SAMMSON: variants seen among roughly 807,000 people sequenced by gnomAD.
SAMMSON encodes the protein survival associated mitochondrial melanoma specific oncogenic non-coding RNA.
At chr3:70,202,696 C>T (rs940111491) in intron 4 of SAMMSON, among the ~76,000 whole-genome samples, 1 of 152,080 alleles carries the variant, frequency 6.6e-6, no homozygotes, top group Non-Finnish European at 1.5e-5. Context: ...ATGACAAAAA[C>T]CCCTTTGGGC....
At chr3:70,229,345 A>T (rs566178986) in intron 4 of SAMMSON, among the ~76,000 whole-genome samples, 10 of 152,288 alleles carry the variant, frequency 6.6e-5, no homozygotes, top group African/African-American at 2.2e-4. Flanking sequence ...CCTTATTTGC[A>T]TATGCTGGTA....
At chr3:70,217,488 A>T (rs1701426458) in intron 4 of SAMMSON, among the ~76,000 whole-genome samples, 1 of 152,130 alleles carries the variant, frequency 6.6e-6, no homozygotes, top group African/African-American at 2.4e-5. Flanking sequence ...GATTGGGAGA[A>T]GTTTGTCTAT....
At chr3:70,062,659 C>T (rs1298728743) in intron 3 of SAMMSON, among the ~76,000 whole-genome samples, 1 of 152,120 alleles carries the variant, frequency 6.6e-6, no homozygotes, top group Non-Finnish European at 1.5e-5. Flanking sequence ...TATCCTCCCT[C>T]TAATGTCTCC....
chr3:70,061,670 C>A (rs1492056), intron 3 of SAMMSON, among the ~76,000 whole-genome samples: 75,488 of 151,862 alleles, frequency 0.5, 19,673 homozygotes, highest in East Asian at 0.73. Flanking sequence ...CTAAAATTTG[C>A]GTTTGCAACG....
chr3:70,336,626 G>C (rs746130407), intron 7 of SAMMSON, among the ~76,000 whole-genome samples: 36 of 151,898 alleles, frequency 2.4e-4, no homozygotes, highest in Non-Finnish European at 2.7e-4. Flanking sequence ...CTCTTCATTA[G>C]TCTTGTAAAA....
intron 4 of SAMMSON, among the ~76,000 whole-genome samples, chr3:70,244,122 T>C (rs1701683773): frequency 6.6e-6 from 1 of 152,222 alleles, no homozygotes; most frequent in Non-Finnish European, 1.5e-5. Flanking sequence ...TGGTTTTCTT[T>C]GGCTCAAATG....
At chr3:70,421,573 G>A (rs1701313469) in intron 2 of SAMMSON, among the ~76,000 whole-genome samples, 1 of 152,030 alleles carries the variant, frequency 6.6e-6, no homozygotes, top group Admixed American at 6.5e-5. Flanking sequence ...CAGAAAATCA[G>A]AATTTAAATA....
At chr3:70,384,703 TTC>T (rs998135101) in intron 9 of SAMMSON, among the ~76,000 whole-genome samples, 14 of 152,102 alleles carry the variant, frequency 9.2e-5, no homozygotes, top group Non-Finnish European at 1.6e-4. Flanking sequence ...AAGTTCACCT[TTC>T]TCTGTCAGAA....
intron 2 of SAMMSON, among the ~76,000 whole-genome samples, chr3:70,432,254 A>T (rs1179924754): frequency 7.9e-5 from 12 of 151,422 alleles, no homozygotes; most frequent in African/African-American, 2.9e-4. Context: ...CTCATTGTGG[A>T]TTTTTTTCAT....
At chr3:70,095,033 TTG>T (rs1309379276) in intron 4 of SAMMSON, among the ~76,000 whole-genome samples, 10 of 152,166 alleles carry the variant, frequency 6.6e-5, no homozygotes, top group Admixed American at 1.3e-4. Flanking sequence ...AGGTGAAACT[TTG>T]TCTAAAAATT....
At chr3:70,338,546 A>T (rs1247982303) in intron 7 of SAMMSON, among the ~76,000 whole-genome samples, 4 of 152,180 alleles carry the variant, frequency 2.6e-5, no homozygotes, top group African/African-American at 9.7e-5. Flanking sequence ...AAGCAACTCC[A>T]GCAAAGTCTC....
At chr3:70,049,587 C>G (rs1254005552) in intron 3 of SAMMSON, among the ~76,000 whole-genome samples, 1 of 152,010 alleles carries the variant, frequency 6.6e-6, no homozygotes, top group Non-Finnish European at 1.5e-5. Flanking sequence ...GGTACCATGT[C>G]TGGTGTGTGG....
intron 6 of SAMMSON, among the ~76,000 whole-genome samples, chr3:70,252,051 G>A (rs1195396354): frequency 6.6e-6 from 1 of 152,182 alleles, no homozygotes; most frequent in African/African-American, 2.4e-5. Flanking sequence ...GGCAAAAGGA[G>A]TTTCTCCTGT....
chr3:70,126,131 G>A (rs2067457540), intron 4 of SAMMSON: 1 of 1,268,800 alleles, frequency 7.9e-7, no homozygotes, highest in Non-Finnish European at 1.1e-6. Flanking sequence ...CTGGAAGGTG[G>A]TGGGTACATA....
At chr3:70,205,287 C>T (rs1239424025) in intron 4 of SAMMSON, 1 of 152,048 alleles carries the variant, frequency 6.6e-6, no homozygotes, top group Non-Finnish European at 1.5e-5. Context: ...TTTAGATGAG[C>T]CATGTGCTCT....
chr3:70,241,327 T>G lies in SAMMSON; in HGVS notation n.508-7780T>G, dbSNP rs79825335. ...CTCATGATAAACATGATGAAGAATGTGCTATGCTTCTCCAATTGTTTTCTT... is the reference window on the plus strand; with the variant it reads ...CTCATGATAAACATGATGAAGAATGGGCTATGCTTCTCCAATTGTTTTCTT... On this transcript the variant is annotated intron_variant and non_coding_transcript_variant, in intron 4 of 9. Transcript: ENST00000642114. Among the ~76,000 whole-genome samples, 942 of 152,302 alleles carry G rather than the reference T, an allele frequency of 6.2e-3. 8 individuals carry two copies. Among genetic ancestry groups the G allele is most frequent in the African/African-American group, 0.021 (871 of 41,568 alleles).
At chr3:70,403,909 A>G (rs901501902) in intron 2 of SAMMSON, among the ~76,000 whole-genome samples, 2 of 152,204 alleles carry the variant, frequency 1.3e-5, no homozygotes, top group South Asian at 4.1e-4. Flanking sequence ...AGATATTATT[A>G]TCTCTATCAA....
At chr3:70,378,321 A>G (rs1703037804) in intron 9 of SAMMSON, among the ~76,000 whole-genome samples, 1 of 152,014 alleles carries the variant, frequency 6.6e-6, no homozygotes, top group Admixed American at 6.5e-5. Context: ...AACAATGTCT[A>G]TGATGTGTAA....
intron 3 of SAMMSON, among the ~76,000 whole-genome samples, chr3:70,019,760 C>T (rs912945467): frequency 6.6e-6 from 1 of 152,014 alleles, no homozygotes; most frequent in African/African-American, 2.4e-5. Context: ...TTCAGGAGCT[C>T]TTGTAGGGCT....
Sources: allele counts gnomAD v4.1 joint callset (sites outside exome capture counted in the v4.1 genomes callset), GRCh38; gene constraint gnomAD v4.1.1; transcripts MANE v1.5; gene names NCBI Gene and HGNC (gene_info 2026-07-23, HGNC 2026-07-21).